The following CORIN variants were observed in gnomAD, a reference collection of about 807,000 sequenced individuals.
CORIN encodes the protein atrial natriuretic peptide-converting enzyme.
Under a neutral mutation model 125.3 loss-of-function variants are expected in CORIN, and 117 were observed. The ratio of observed to expected loss-of-function variants is 0.93; its 90% CI spans 0.80 to 1.09. The LOEUF is 1.09. CORIN is among the 50% of genes least tolerant of loss of function. The pLI is 0.00. For missense variants in CORIN, 1,253 were observed against 1,306.7 expected, an observed-to-expected ratio of 0.96 and a Z score of 0.63; for synonymous variants, 450 against 466.4, an observed-to-expected ratio of 0.96 and a Z score of 0.45.
intron 1 of CORIN, among the ~76,000 whole-genome samples, chr4:47,819,540 G>A (rs1471740848): frequency 6.6e-6 from 1 of 152,126 alleles, no homozygotes; most frequent in Non-Finnish European, 1.5e-5. Flanking sequence ...GCTAATATGA[G>A]GAACCAACCA....
intron 1 of CORIN, among the ~76,000 whole-genome samples, chr4:47,826,436 C>G (rs536201276): frequency 6.6e-6 from 1 of 152,310 alleles, no homozygotes; most frequent in East Asian, 1.9e-4. Context: ...GGACTAAAGT[C>G]AAGGTGTTAT....
Position 47,632,756 on chromosome 4 carries a change from T to TG in CORIN, c.2199-6236_2199-6235insC, listed in dbSNP as rs1560481428. On this transcript the variant is annotated intron_variant, in intron 16 of 21. Coordinates refer to ENST00000273857, the MANE Select transcript of CORIN (RefSeq NM_006587.4). ...ATAGATAGATAGATAGATAGATAGA[T>TG]AGATAGATAGAGATAGATAGTTAGA... Among the ~76,000 whole-genome samples, 235 of 101,166 alleles carry TG rather than the reference T, an allele frequency of 2.3e-3. 11 individuals carry two copies. In the East Asian group the frequency reaches 0.11, roughly 46 times the overall value. The allele number at this position is 101,166 out of a possible 152,430, so 66.4% of individuals were successfully genotyped here. A position where few individuals can be genotyped will look rare whatever the true frequency, so the allele number is the denominator to read the frequency against.
intron 1 of CORIN, among the ~76,000 whole-genome samples, chr4:47,809,197 G>A (rs1731939403): frequency 1.3e-5 from 2 of 152,062 alleles, no homozygotes; most frequent in Non-Finnish European, 2.9e-5. Flanking sequence ...AAGCATTATA[G>A]GAATAACCTT....
chr4:47,673,130 G>A (rs1325421972), intron 10 of CORIN, among the ~76,000 whole-genome samples: 1 of 151,986 alleles, frequency 6.6e-6, no homozygotes, highest in Non-Finnish European at 1.5e-5. Flanking sequence ...CTTGAGGTCA[G>A]GAGTTTGAGA....
rs536900242 is a variant in CORIN, at chr4:47,620,389, T to C, written c.2540+3182A>G. ...AGAATATTATTTGGCTTAAAAAAAA[T>C]GAGTTAGAGCTGCATCAGTTGACCT... On this transcript the variant is annotated intron_variant, in intron 19 of 21. Transcript: ENST00000273857. Among the ~76,000 whole-genome samples, 5 of 152,268 alleles carry C rather than the reference T, an allele frequency of 3.3e-5. No homozygotes were observed. In the East Asian group the frequency reaches 9.6e-4, roughly 29 times the overall value.
In CORIN at chr4:47,683,953, C is replaced by T. The variant is rs1370082411; in HGVS notation, c.914-115G>A. The T allele has an allele frequency of 4.3e-6, 3 of 691,772 alleles. No individual in the cohort carries two copies. In the African/African-American group the frequency reaches 5.4e-5, roughly 12 times the overall value. 42.9% of individuals were successfully genotyped at this position (691,772 alleles called of 1,614,324 possible). ...GACACCCTAATGGTAACCTGGTCCA[C>T]ACCTATTGTTTTATAGGTGAGAAGG... On this transcript the variant is annotated intron_variant, in intron 6 of 21. Transcript: ENST00000273857.
chr4:47,626,295 C>T, intron 17 of CORIN, 110 bp downstream of exon 17: 1 of 714,338 alleles, frequency 1.4e-6, no homozygotes, highest in Non-Finnish European at 2.5e-6. Flanking sequence ...AAACTCTTTA[C>T]TGATATGACA....
intron 9 of CORIN, among the ~76,000 whole-genome samples, chr4:47,677,079 G>C (rs750512221): frequency 5.3e-5 from 8 of 152,154 alleles, no homozygotes; most frequent in Non-Finnish European, 1.2e-4. Context: ...GGCTGATTAT[G>C]AATATACACA....
chr4:47,698,250 GA>G (rs1397251871), intron 5 of CORIN, among the ~76,000 whole-genome samples: 1 of 151,800 alleles, frequency 6.6e-6, no homozygotes, highest in East Asian at 1.9e-4. Context: ...TAGGGTATAG[GA>G]GTGGGGTAAT....
intron 5 of CORIN, among the ~76,000 whole-genome samples, chr4:47,699,166 G>A (rs1726172896): frequency 6.6e-6 from 1 of 152,134 alleles, no homozygotes; most frequent in Admixed American, 6.5e-5. Flanking sequence ...AGGAGCTTGG[G>A]AAATTTCAAA....
rs531035147 is a variant in CORIN at position 47,605,544 on chromosome 4, G to T, written c.2541-1876C>A. ...TTGGGGCAAGGGTAGAGCTTTAATT[G>T]TGGGCATTTCCTTATACTCTGGTAA... On this transcript the variant is annotated intron_variant, in intron 19 of 21. Transcript: ENST00000273857. Among the ~76,000 whole-genome samples the T allele has an allele frequency of 3.7e-4, 57 of 152,210 alleles. 1 individual carries two copies. The South Asian group carries it at 8.1e-3, about 22-fold the overall frequency.
At chr4:47,612,771 G>A (rs1183667042) in intron 19 of CORIN, among the ~76,000 whole-genome samples, 1 of 152,210 alleles carries the variant, frequency 6.6e-6, no homozygotes, top group East Asian at 1.9e-4. Context: ...GCACAGGAGG[G>A]AAAGCATGTA....
chr4:47,692,554 T>TA (rs569436476), intron 6 of CORIN, among the ~76,000 whole-genome samples: 5,137 of 142,540 alleles, frequency 0.036, 135 homozygotes, highest in African/African-American at 0.082. Flanking sequence ...GGAAGAAGCA[T>TA]AAAAAAAAAA....
intron 6 of CORIN, among the ~76,000 whole-genome samples, chr4:47,689,800 G>A (rs1016544870): frequency 2.6e-5 from 4 of 152,122 alleles, no homozygotes; most frequent in Non-Finnish European, 4.4e-5. Context: ...CCTGGAGAGC[G>A]TTACAAAAGT....
At chr4:47,793,095 G>T (rs1469205056) in intron 2 of CORIN, among the ~76,000 whole-genome samples, 2 of 151,990 alleles carry the variant, frequency 1.3e-5, no homozygotes, top group African/African-American at 4.8e-5. Flanking sequence ...ATTCAGGGGG[G>T]AAAAAGCCCA....
rs139498975 is a variant in CORIN, at chr4:47,786,911, C to A, written c.223G>T (p.Val75Phe). ...LLSYVGTLQK[V>F]YFKSNGSEPL... is the part of the protein sequence containing the mutation. ...TCACTCCCATTTGATTTAAAATAGA[C>A]CTTTTGTAATGTTCCTGAAAGACAA... The change falls in exon 3 of 22, where the codon GTC (valine) becomes TTC (phenylalanine). Residue 75 changes from valine (V) to phenylalanine (F), a missense_variant. Physicochemically the swap from Val to Phe is conservative, Grantham distance 50. Transcript: ENST00000273857. 1.4e-5 allele frequency: 23 copies of A among 1,611,162 alleles called. No individual in the cohort carries two copies. In the African/African-American group the frequency reaches 2.3e-4, roughly 16 times the overall value.
intron 13 of CORIN, 37 bp from the exon 14 acceptor site, chr4:47,645,231 G>T: frequency 8.3e-7 from 1 of 1,202,648 alleles, no homozygotes; most frequent in Non-Finnish European, 1.2e-6. Context: ...CAATAGACGT[G>T]GAATTGAAAA....
chr4:47,756,096 T>C (rs181998271), intron 4 of CORIN, among the ~76,000 whole-genome samples: 60 of 152,264 alleles, frequency 3.9e-4, no homozygotes, highest in Non-Finnish European at 7.5e-4. Flanking sequence ...AACTGTGCCA[T>C]GGTGAAAGAT....
intron 5 of CORIN, among the ~76,000 whole-genome samples, chr4:47,733,986 G>A (rs147803963): frequency 3.3e-5 from 5 of 152,216 alleles, no homozygotes; most frequent in African/African-American, 4.8e-5. Context: ...GGAAAGACAC[G>A]TGAGAGCTCT....
Sources: gnomAD v4.1 joint callset for allele counts (sites outside exome capture counted in the v4.1 genomes callset) on GRCh38, gnomAD v4.1.1 for gene constraint, MANE v1.5 for transcripts, NCBI Gene and HGNC (gene_info 2026-07-23, HGNC 2026-07-21) for gene names.